Variants in NTRK2 observed in about 807,000 individuals in gnomAD.
The protein encoded by NTRK2 is BDNF/NT-3 growth factors receptor.
NTRK2 carries 13 observed loss-of-function variants against 94.5 expected under a neutral mutation model. The ratio of observed to expected loss-of-function variants is 0.14; its 90% CI spans 0.09 to 0.22. The LOEUF (loss-of-function observed/expected upper bound fraction) is 0.22. Ranked by LOEUF, NTRK2 falls within the 10% of genes least tolerant of loss-of-function variation. NTRK2 has a pLI of 1.00. For missense variants in NTRK2, 639 were observed against 1,071.2 expected (o/e 0.60, Z 5.63); for synonymous variants, 372 against 407.4 (o/e 0.91, Z 1.05).
At chr9:84,695,543 T>C (rs970094768) in intron 2 of NTRK2, among the ~76,000 whole-genome samples, 9 of 152,234 alleles carry the variant, frequency 5.9e-5, no homozygotes, top group African/African-American at 1.9e-4. Context: ...GGAAATTCTT[T>C]ACCCTCAGAA....
At chr9:84,754,410 A>T (rs1429622097) in intron 12 of NTRK2, among the ~76,000 whole-genome samples, 1 of 152,110 alleles carries the variant, frequency 6.6e-6, no homozygotes, top group Non-Finnish European at 1.5e-5. Flanking sequence ...TGCAAGTCAG[A>T]TGTCGAGTTG....
At chr9:84,791,800 G>A (rs2068763914) in intron 12 of NTRK2, among the ~76,000 whole-genome samples, 1 of 152,142 alleles carries the variant, frequency 6.6e-6, no homozygotes, top group South Asian at 2.1e-4. Flanking sequence ...AATGATCTCT[G>A]AATTTGAAAG....
chr9:84,797,413 G>A lies in NTRK2; in HGVS notation c.1396+45328G>A, dbSNP rs201404431. ...AAGTTTGGTGATACCTGCATAACTAGTTATGGGGGATTCCGTGAAAGCTGA... is the reference window on the plus strand; with the variant it reads ...AAGTTTGGTGATACCTGCATAACTAATTATGGGGGATTCCGTGAAAGCTGA... On this transcript the variant is annotated intron_variant, in intron 12 of 18. Coordinates refer to ENST00000277120, the MANE Select transcript of NTRK2 (RefSeq NM_006180.6). 4.7e-5 allele frequency among the ~76,000 whole-genome samples: 7 copies of A among 148,502 alleles called. No individual in the cohort carries two copies. In the East Asian group the frequency reaches 1.4e-3, roughly 29 times the overall value.
intron 15 of NTRK2, among the ~76,000 whole-genome samples, chr9:84,938,730 G>T (rs1260896562): frequency 6.6e-6 from 1 of 152,038 alleles, no homozygotes; most frequent in Non-Finnish European, 1.5e-5. Context: ...AGAACAAAAA[G>T]ATCATGAAAA....
intron 17 of NTRK2, among the ~76,000 whole-genome samples, chr9:84,992,973 T>G (rs1829284909): frequency 6.6e-6 from 1 of 151,576 alleles, no homozygotes; most frequent in Non-Finnish European, 1.5e-5. Context: ...AAACCCTTAG[T>G]GAAACCTCTC....
intron 17 of NTRK2, among the ~76,000 whole-genome samples, chr9:84,973,153 G>C (rs545168201): frequency 6.6e-6 from 1 of 152,326 alleles, no homozygotes; most frequent in Admixed American, 6.5e-5. Flanking sequence ...TCACAGAGAA[G>C]AGAATGTTCA....
At chr9:84,766,465 G>A (rs2066035899) in intron 12 of NTRK2, among the ~76,000 whole-genome samples, 1 of 152,126 alleles carries the variant, frequency 6.6e-6, no homozygotes, top group Non-Finnish European at 1.5e-5. Flanking sequence ...TTGTGAAAGT[G>A]TATGGAGAGA....
chr9:84,842,586 C>T (rs187445247), intron 12 of NTRK2, among the ~76,000 whole-genome samples: 1 of 152,232 alleles, frequency 6.6e-6, no homozygotes, highest in Non-Finnish European at 1.5e-5. Context: ...CCTGGCCTCA[C>T]TCTGGGTTCT....
intron 17 of NTRK2, among the ~76,000 whole-genome samples, chr9:84,991,100 A>C (rs1829003548): frequency 1.3e-5 from 2 of 152,202 alleles, no homozygotes; most frequent in Non-Finnish European, 2.9e-5. Flanking sequence ...GAAGCGATTT[A>C]TTAGGAAAGC....
Position 84,967,724 on chromosome 9 carries a change from C to T in NTRK2, c.2172+12207C>T, listed in dbSNP as rs182092643. 1.5e-3 allele frequency among the ~76,000 whole-genome samples: 236 copies of T among 152,308 alleles called. 2 individuals carry two copies. The highest frequency in any genetic ancestry group is 1.4e-3 in the South Asian group (7 of 4,828). On this transcript the variant is annotated intron_variant, in intron 17 of 18. Coordinates refer to ENST00000277120, the MANE Select transcript of NTRK2 (RefSeq NM_006180.6). ...GTTGGTGATGACAGAGATACTGCAG[C>T]GGAAGCTGGGGAGGATTTGAGGCTC...
chr9:84,885,676 T>C (rs2076392023), intron 14 of NTRK2, among the ~76,000 whole-genome samples: 1 of 152,176 alleles, frequency 6.6e-6, no homozygotes, highest in South Asian at 2.1e-4. Context: ...TCAAAATGGT[T>C]TTCCTACTGA....
intron 14 of NTRK2, among the ~76,000 whole-genome samples, chr9:84,920,360 C>T (rs1386906691): frequency 6.6e-6 from 1 of 152,076 alleles, no homozygotes; most frequent in Non-Finnish European, 1.5e-5. Context: ...TCCCTAGAGC[C>T]TTGTCCACGC....
intron 2 of NTRK2, among the ~76,000 whole-genome samples, chr9:84,678,472 G>C (rs1186114374): frequency 6.6e-6 from 1 of 152,212 alleles, no homozygotes; most frequent in Non-Finnish European, 1.5e-5. Flanking sequence ...GCTAATCTTT[G>C]TAACAAGAGT....
chr9:84,745,851 T>C (rs2064021809), intron 11 of NTRK2, among the ~76,000 whole-genome samples: 1 of 151,896 alleles, frequency 6.6e-6, no homozygotes, highest in South Asian at 2.1e-4. Flanking sequence ...TGACACAGAG[T>C]CTCAGGTGTG....
At chr9:85,007,548 G>T (rs959223054) in intron 17 of NTRK2, among the ~76,000 whole-genome samples, 2 of 152,234 alleles carry the variant, frequency 1.3e-5, no homozygotes, top group African/African-American at 4.8e-5. Flanking sequence ...CCAGGGGACA[G>T]GGGGAGGAGG....
chr9:84,961,367 C>T (rs1414102825), intron 17 of NTRK2, among the ~76,000 whole-genome samples: 1 of 152,128 alleles, frequency 6.6e-6, no homozygotes, highest in Non-Finnish European at 1.5e-5. Flanking sequence ...GTACTTAAAA[C>T]CATAAGAGTT....
intron 12 of NTRK2, among the ~76,000 whole-genome samples, chr9:84,774,879 A>C (rs1173886506): frequency 6.6e-6 from 1 of 152,230 alleles, no homozygotes; most frequent in Non-Finnish European, 1.5e-5. Context: ...AGAGAGGATG[A>C]AGAGAGAGAG....
intron 6 of NTRK2, among the ~76,000 whole-genome samples, chr9:84,722,160 CTTTTTTTTT>C (rs36100177): frequency 1.2e-4 from 8 of 67,088 alleles, no homozygotes; most frequent in African/African-American, 2.4e-4. Flanking sequence ...CTATTAGGGG[CTTTTTTTTT>C]TTTTTTTTTT....
At chr9:84,685,016 T>A (rs1201455003) in intron 2 of NTRK2, among the ~76,000 whole-genome samples, 1 of 152,112 alleles carries the variant, frequency 6.6e-6, no homozygotes, top group Non-Finnish European at 1.5e-5. Flanking sequence ...TAGGTGTGGC[T>A]AAGAAGATTA....
Sources: gnomAD v4.1 joint callset for allele counts (sites outside exome capture counted in the v4.1 genomes callset) on GRCh38, gnomAD v4.1.1 for gene constraint, MANE v1.5 for transcripts, NCBI Gene and HGNC (gene_info 2026-07-23, HGNC 2026-07-21) for gene names.